Variants in GPC3 observed in about 807,000 individuals in gnomAD.
GPC3 encodes glypican-3.
A neutral mutation model predicts 34.4 loss-of-function variants in GPC3; 3 were observed. The observed-to-expected ratio is 0.09, with a 90% CI of 0.04 to 0.23. The LOEUF is 0.23. Ranked by LOEUF, GPC3 falls within the 10% of genes least tolerant of loss-of-function variation. The pLI is 1.00. For synonymous variants in GPC3, 177 were observed against 174.0 expected (o/e 1.02, Z -0.13); for missense variants, 351 against 445.6 (o/e 0.79, Z 1.91).
chrX:133,671,100 TA>T, intron 5 of GPC3: 2 of 746,140 alleles, frequency 2.7e-6, no homozygotes, highest in Non-Finnish European at 4.2e-6. Flanking sequence ...TTAGAGTGCC[TA>T]AGACAGGAAA....
At chrX:133,982,486 C>G (rs1371077029) in intron 1 of GPC3, among the ~76,000 whole-genome samples, 1 of 112,135 alleles carries the variant, frequency 8.9e-6, no homozygotes, top group Non-Finnish European at 1.9e-5. Flanking sequence ...GGCTTTAGAT[C>G]AGCTTTGTGG....
chrX:133,903,607 A>C (rs2076155494), intron 2 of GPC3, among the ~76,000 whole-genome samples: 1 of 112,171 alleles, frequency 8.9e-6, no homozygotes, highest in Non-Finnish European at 1.9e-5. Flanking sequence ...ACAAACAAAC[A>C]AACAAACAAA....
intron 2 of GPC3, among the ~76,000 whole-genome samples, chrX:133,901,208 T>G (rs2076142311): frequency 8.9e-6 from 1 of 111,915 alleles, no homozygotes; most frequent in Non-Finnish European, 1.9e-5. Context: ...ATAATACTAT[T>G]TCTTTGCAAG....
chrX:133,564,694 T>C (rs1187996868), intron 7 of GPC3, among the ~76,000 whole-genome samples: 1 of 111,813 alleles, frequency 8.9e-6, no homozygotes, highest in Non-Finnish European at 1.9e-5. Flanking sequence ...TGTAAGGATA[T>C]GTGAAAGCAT....
At chrX:133,842,323 A>T (rs747101137) in intron 2 of GPC3, among the ~76,000 whole-genome samples, 76 of 107,008 alleles carry the variant, frequency 7.1e-4, no homozygotes, top group African/African-American at 2.0e-3. Context: ...CTCAAAAAAA[A>T]AATAATAATA....
chrX:133,973,422 T>C (rs1430953185), intron 1 of GPC3, among the ~76,000 whole-genome samples: 1 of 112,673 alleles, frequency 8.9e-6, no homozygotes, highest in Non-Finnish European at 1.9e-5. Flanking sequence ...GTAATTGACA[T>C]ATAGTAGGCA....
At chrX:133,634,848 A>G (rs959404529) in intron 6 of GPC3, among the ~76,000 whole-genome samples, 14 of 112,079 alleles carry the variant, frequency 1.2e-4, no homozygotes, top group African/African-American at 4.2e-4. Context: ...ATACCTCAAT[A>G]AAGTAACCAA....
intron 7 of GPC3, among the ~76,000 whole-genome samples, chrX:133,592,343 CGTT>C (rs1421466308): frequency 2.3e-5 from 2 of 87,609 alleles, no homozygotes. Flanking sequence ...CAAGTGTTCT[CGTT>C]GTTCAATTCC....
intron 5 of GPC3, among the ~76,000 whole-genome samples, chrX:133,683,160 G>A (rs115678539): frequency 0.046 from 5,076 of 110,452 alleles, 327 homozygotes; most frequent in African/African-American, 0.16. Context: ...AACCCACAAG[G>A]CTTTTTCCAA....
At chrX:133,591,882 T>C (rs912961080) in intron 7 of GPC3, among the ~76,000 whole-genome samples, 19 of 111,943 alleles carry the variant, frequency 1.7e-4, no homozygotes, top group African/African-American at 5.8e-4. Flanking sequence ...CAGGGATCAG[T>C]GCTGGGACCA....
chrX:133,826,518 A>T (rs2075747355), intron 2 of GPC3, among the ~76,000 whole-genome samples: 1 of 111,438 alleles, frequency 9.0e-6, no homozygotes, highest in Non-Finnish European at 1.9e-5. Flanking sequence ...AGAAAAAAGC[A>T]TGAAGAAAAA....
chrX:133,835,635 C>T (rs7060636), intron 2 of GPC3, among the ~76,000 whole-genome samples: 8,865 of 111,581 alleles, frequency 0.079, 579 homozygotes, highest in African/African-American at 0.21. Flanking sequence ...TAGTAAGATG[C>T]GCATGCTATT....
intron 3 of GPC3, among the ~76,000 whole-genome samples, chrX:133,725,808 G>A (rs1188877616): frequency 8.9e-6 from 1 of 111,828 alleles, no homozygotes; most frequent in Non-Finnish European, 1.9e-5. Context: ...TAGGGCGCAG[G>A]TACTACTGTT....
At chrX:133,732,150 T>C (rs1334540334) in intron 3 of GPC3, among the ~76,000 whole-genome samples, 2 of 111,326 alleles carry the variant, frequency 1.8e-5, no homozygotes, top group Admixed American at 9.6e-5. Context: ...TGATGTCCTG[T>C]ACAATCAGGA....
intron 2 of GPC3, among the ~76,000 whole-genome samples, chrX:133,760,720 T>C (rs1240776306): frequency 9.0e-6 from 1 of 111,663 alleles, no homozygotes; most frequent in Non-Finnish European, 1.9e-5. Context: ...ATTATGCATT[T>C]GTAAAAAATT....
intron 7 of GPC3, among the ~76,000 whole-genome samples, chrX:133,545,967 G>A (rs996129901): frequency 7.2e-5 from 8 of 110,489 alleles, no homozygotes; most frequent in Non-Finnish European, 1.1e-4. Context: ...AACCTTGAGC[G>A]AGACTCTGTC....
At chrX:133,832,506 A>G (rs2075779917) in intron 2 of GPC3, among the ~76,000 whole-genome samples, 1 of 109,480 alleles carries the variant, frequency 9.1e-6, no homozygotes, top group Admixed American at 9.9e-5. Context: ...CAATTCAGGA[A>G]GATAAATTCA....
intron 2 of GPC3, among the ~76,000 whole-genome samples, chrX:133,810,480 A>T: frequency 8.9e-6 from 1 of 111,920 alleles, no homozygotes; most frequent in Middle Eastern, 4.6e-3. Flanking sequence ...GGAGCCTGGG[A>T]TTCTGACATC....
chrX:133,910,993 G>A (rs2076196143), intron 2 of GPC3, among the ~76,000 whole-genome samples: 1 of 111,552 alleles, frequency 9.0e-6, no homozygotes, highest in Admixed American at 9.5e-5. Flanking sequence ...CCTCCCCACT[G>A]TCTTTCATCC....
Sources: gnomAD v4.1 joint callset for allele counts (sites outside exome capture counted in the v4.1 genomes callset) on GRCh38, gnomAD v4.1.1 for gene constraint, MANE v1.5 for transcripts, NCBI Gene and HGNC (gene_info 2026-07-23, HGNC 2026-07-21) for gene names.